The following FBXO34 variants were observed in gnomAD, a reference collection of about 807,000 sequenced individuals.
The protein encoded by FBXO34 is F-box only protein 34.
A neutral mutation model predicts 24.5 loss-of-function variants in FBXO34; 12 were observed. The ratio of observed to expected loss-of-function variants is 0.49; its 90% CI spans 0.31 to 0.79. The LOEUF is 0.79. FBXO34 is among the 30% of genes least tolerant of loss of function. The probability of loss-of-function intolerance (pLI) is 0.04; values close to 1 mark genes in which losing one functional copy is unlikely to be tolerated. For synonymous variants in FBXO34, 320 were observed against 311.9 expected (o/e 1.03, Z -0.27); for missense variants, 823 against 857.7 (o/e 0.96, Z 0.51).
At chr14:55,298,813 TGAAGCGTAA>T in intron 1 of FBXO34, 4 of 1,611,722 alleles carry the variant, frequency 2.5e-6, no homozygotes, top group Non-Finnish European at 3.4e-6. Context: ...CTCCAGGCAC[TGAAGCGTAA>T]GAAGAGGTAT....
the FBXO34 span, among the ~76,000 whole-genome samples, chr14:55,437,318 A>C: frequency 6.6e-6 from 1 of 152,254 alleles, no homozygotes; most frequent in East Asian, 1.9e-4. Flanking sequence ...TCTCTACTAA[A>C]AATGCAAAAA....
chr14:55,401,089 T>C, the FBXO34 span, among the ~76,000 whole-genome samples: 3 of 152,188 alleles, frequency 2.0e-5, no homozygotes, highest in Admixed American at 6.5e-5. Context: ...ACACTGGACA[T>C]TTCTTTTTAT....
At position 55,352,585 on chromosome 14, in the gene FBXO34, AC is replaced by A; in HGVS notation, c.*61del. On this transcript the variant is annotated 3_prime_UTR_variant, in exon 2 of 2. Transcript: ENST00000313833. ...CTAAAGCTGCAAAACACCTAGATAC[AC>A]CGTTCAAATGAGCGTAGCCCCCTGA... 7.1e-7 allele frequency: 1 copy of A among 1,412,922 alleles called. No individual in the cohort carries two copies. Among genetic ancestry groups the A allele is most frequent in the African/African-American group, 1.4e-5 (1 of 70,046 alleles). The allele number at this position is 1,412,922 out of a possible 1,614,324, so 87.5% of individuals were successfully genotyped here. A position where few individuals can be genotyped will look rare whatever the true frequency, so the allele number is the denominator to read the frequency against.
intron 1 of FBXO34, among the ~76,000 whole-genome samples, chr14:55,324,127 T>C (rs1883262992): frequency 6.6e-6 from 1 of 151,582 alleles, no homozygotes; most frequent in South Asian, 2.1e-4. Context: ...GCAACAACTG[T>C]TGTACTTTCT....
the FBXO34 span, among the ~76,000 whole-genome samples, chr14:55,393,847 G>A: frequency 6.6e-6 from 1 of 151,418 alleles, no homozygotes; most frequent in Non-Finnish European, 1.5e-5. Flanking sequence ...ACCACACCCA[G>A]CGCAGATTTT....
chr14:55,375,490 A>AATTTTTTTTTTTTTTTTTTTTTTTTTT, the FBXO34 span, among the ~76,000 whole-genome samples: 1 of 117,798 alleles, frequency 8.5e-6, no homozygotes, highest in African/African-American at 3.4e-5. Flanking sequence ...GCCGGGCTAA[A>AATTTTTTTTTTTTTTTTTTTTTTTTTT]TTTTTTTTTT....
chr14:55,329,820 C>T (rs757178035), intron 1 of FBXO34, among the ~76,000 whole-genome samples: 28 of 151,882 alleles, frequency 1.8e-4, no homozygotes, highest in African/African-American at 3.9e-4. Flanking sequence ...TTCCTAATTC[C>T]GTGCCAGGAA....
chr14:55,434,931 T>C, the FBXO34 span, among the ~76,000 whole-genome samples: 1 of 152,206 alleles, frequency 6.6e-6, no homozygotes, highest in Non-Finnish European at 1.5e-5. Context: ...CTCATCTTTG[T>C]ACTCCTAAGT....
chr14:55,383,159 T>A, the FBXO34 span, among the ~76,000 whole-genome samples: 3 of 152,280 alleles, frequency 2.0e-5, no homozygotes, highest in East Asian at 3.9e-4. Flanking sequence ...TACGCACGCG[T>A]CCCATGCCAT....
the FBXO34 span, among the ~76,000 whole-genome samples, chr14:55,442,353 C>T: frequency 2.1e-4 from 32 of 149,720 alleles, no homozygotes; most frequent in Non-Finnish European, 4.3e-4. Flanking sequence ...CATGTCACTG[C>T]ACTCCACCCT....
At chr14:55,427,273 A>G in the FBXO34 span, among the ~76,000 whole-genome samples, 1 of 152,196 alleles carries the variant, frequency 6.6e-6, no homozygotes, top group East Asian at 1.9e-4. Flanking sequence ...TAGGCATTCA[A>G]TAGCATACAG....
At chr14:55,293,366 A>G (rs1483019382) in intron 1 of FBXO34, among the ~76,000 whole-genome samples, 1 of 150,930 alleles carries the variant, frequency 6.6e-6, no homozygotes, top group African/African-American at 2.4e-5. Flanking sequence ...TTAGTAGAAG[A>G]TGGGGTTAAC....
At chr14:55,335,451 G>C (rs979303030) in intron 1 of FBXO34, 5 of 152,172 alleles carry the variant, frequency 3.3e-5, no homozygotes, top group Admixed American at 2.6e-4. Flanking sequence ...TTCTGACTTT[G>C]ATCTGTGACT....
chr14:55,421,084 A>G, the FBXO34 span, among the ~76,000 whole-genome samples: 10 of 151,824 alleles, frequency 6.6e-5, no homozygotes, highest in Non-Finnish European at 1.3e-4. Context: ...AAAAAGAAAA[A>G]AGAAATTTGG....
At chr14:55,272,353 G>T (rs1305790585) in intron 1 of FBXO34, 2 of 152,210 alleles carry the variant, frequency 1.3e-5, no homozygotes, top group Non-Finnish European at 2.9e-5. Context: ...AGCGTTGCGA[G>T]TACAGCTCAG....
At chr14:55,331,092 A>T (rs2140046318) in intron 1 of FBXO34, among the ~76,000 whole-genome samples, 1 of 152,136 alleles carries the variant, frequency 6.6e-6, no homozygotes, top group East Asian at 1.9e-4. Context: ...GAGACAGGAA[A>T]TTTTTTTTAG....
downstream of FBXO34, among the ~76,000 whole-genome samples, chr14:55,363,934 C>T (rs751873578): frequency 6.9e-6 from 1 of 144,732 alleles, no homozygotes; most frequent in Non-Finnish European, 1.5e-5. Flanking sequence ...TCATCAAATA[C>T]CTTCTGCCAA....
chr14:55,423,084 G>C, the FBXO34 span, among the ~76,000 whole-genome samples: 1 of 152,032 alleles, frequency 6.6e-6, no homozygotes. Context: ...GTAGACAAAA[G>C]GATAAGTTAT....
At chr14:55,365,209 ATCTCT>A (rs1186573356), downstream of FBXO34, among the ~76,000 whole-genome samples, 2 of 138,724 alleles carry the variant, frequency 1.4e-5, no homozygotes, top group Non-Finnish European at 3.1e-5. Flanking sequence ...AGACTCTATC[ATCTCT>A]TCTATCATCT....
Sources: allele counts gnomAD v4.1 joint callset (sites outside exome capture counted in the v4.1 genomes callset), GRCh38; gene constraint gnomAD v4.1.1; transcripts MANE v1.5; gene names NCBI Gene and HGNC (gene_info 2026-07-23, HGNC 2026-07-21).